Variants in COL4A3 observed in about 807,000 individuals in gnomAD.
COL4A3 encodes the protein collagen alpha-3(IV) chain.
COL4A3 carries 135 observed loss-of-function variants against 217.4 expected under a neutral mutation model. The observed-to-expected ratio is 0.62, with a 90% CI of 0.54 to 0.72. COL4A3 has a LOEUF of 0.72. Ranked by LOEUF, COL4A3 falls within the 30% of genes least tolerant of loss-of-function variation. The pLI, the probability that COL4A3 is intolerant of heterozygous loss-of-function variation, is 0.00. For missense variants in COL4A3, 1,868 were observed against 2,119.9 expected (o/e 0.88, Z 2.33); for synonymous variants, 690 against 736.3 (o/e 0.94, Z 1.02).
rs1559819551 is a variant in COL4A3 at position 227,202,846 on chromosome 2, C to CATATGTGTATATATGTGTAT, written c.88-35108_88-35107insGTGTATATATGTGTATATAT. On this transcript the variant is annotated intron_variant, in intron 1 of 51. Coordinates refer to ENST00000396578, the MANE Select transcript of COL4A3 (RefSeq NM_000091.5). ...ATATGTGTATCTATGTGTATATATA[C>CATATGTGTATATATGTGTAT]ATATGTGTATATATACATATATGTG... Among the ~76,000 whole-genome samples the CATATGTGTATATATGTGTAT allele has an allele frequency of 2.9e-3, 91 of 31,466 alleles. 33 individuals are homozygous for CATATGTGTATATATGTGTAT. Among genetic ancestry groups the CATATGTGTATATATGTGTAT allele is most frequent in the Non-Finnish European group, 3.3e-3 (59 of 17,646 alleles). 20.6% of individuals were successfully genotyped at this position (31,466 alleles called of 152,430 possible).
chr2:227,197,520 A>C (rs191921513), intron 1 of COL4A3, among the ~76,000 whole-genome samples: 45 of 152,316 alleles, frequency 3.0e-4, no homozygotes, highest in African/African-American at 1.1e-3. Context: ...TAAGTAACAC[A>C]TAACTGTATA....
At chr2:227,272,552 A>C (rs186853491) in intron 25 of COL4A3, among the ~76,000 whole-genome samples, 64 of 152,368 alleles carry the variant, frequency 4.2e-4, no homozygotes, top group Non-Finnish European at 8.1e-4. Context: ...TGTCATGAAA[A>C]TACCTGGTGA....
chr2:227,232,161 T>C (rs11884363), intron 1 of COL4A3, among the ~76,000 whole-genome samples: 48,806 of 152,156 alleles, frequency 0.32, 8,274 homozygotes, highest in Non-Finnish European at 0.36. Flanking sequence ...TGTGGCTGCA[T>C]AGTACTCCAT....
chr2:227,238,747 T>C (rs4675154), intron 2 of COL4A3, among the ~76,000 whole-genome samples: 7,055 of 152,266 alleles, frequency 0.046, 325 homozygotes, highest in Admixed American at 0.11. Context: ...ATATAATGTG[T>C]ATGCTAATTA....
chr2:227,295,547 T>C (rs2072993003), intron 41 of COL4A3, among the ~76,000 whole-genome samples: 1 of 152,246 alleles, frequency 6.6e-6, no homozygotes, highest in Admixed American at 6.5e-5. Flanking sequence ...ACTAAGAAAG[T>C]CTTGAAAAGT....
intron 50 of COL4A3, among the ~76,000 whole-genome samples, chr2:227,310,527 G>A (rs2073702241): frequency 1.3e-5 from 2 of 152,188 alleles, no homozygotes; most frequent in Admixed American, 1.3e-4. Context: ...TGTTGGCCAG[G>A]CTGGCCTCAA....
intron 21 of COL4A3, among the ~76,000 whole-genome samples, chr2:227,266,154 A>G (rs918367322): frequency 2.6e-5 from 4 of 151,950 alleles, no homozygotes; most frequent in Non-Finnish European, 4.4e-5. Flanking sequence ...CAACTAAGTA[A>G]GATAAAATAG....
At chr2:227,257,673 C>G (rs764524527) in intron 18 of COL4A3, 29 bp downstream of exon 18, 6 of 1,601,534 alleles carry the variant, frequency 3.7e-6, no homozygotes, top group Non-Finnish European at 5.1e-6. Flanking sequence ...AATATCAATG[C>G]TATGTTTGAT....
intron 1 of COL4A3, among the ~76,000 whole-genome samples, chr2:227,209,143 C>G (rs1366995758): frequency 6.6e-6 from 1 of 152,232 alleles, no homozygotes; most frequent in African/African-American, 2.4e-5. Context: ...GGTCATACAT[C>G]ACCAGCACAA....
intron 29 of COL4A3, 132 bp from the exon 30 acceptor site, chr2:227,280,308 A>G (rs2071872923): frequency 1.2e-6 from 1 of 851,440 alleles, no homozygotes; most frequent in South Asian, 1.5e-5. Context: ...GTCAGCAACT[A>G]GAGCTCAAAA....
chr2:227,307,782 C>G lies in COL4A3; in HGVS notation c.4325C>G (p.Thr1442Arg). ...RGDSGSPATW[T>R]TRGFVFTRHS... ...GACAGTGGATCACCTGCAACCTGGA[C>G]AACGAGAGGCTTTGTCTTCACCCGA... Residue 1442 changes from threonine (T) to arginine (R), a missense_variant, in exon 48 of 52, where the codon ACA (threonine) becomes AGA (arginine). Around this residue, in one of 2 missense-constraint regions of COL4A3, gnomAD observed 1,503 missense variants for 1,786.1 expected, o/e 0.84. Coordinates refer to ENST00000396578, the MANE Select transcript of COL4A3 (RefSeq NM_000091.5). The G allele has an allele frequency of 6.2e-7, 1 of 1,614,154 alleles. No homozygotes were observed. The highest frequency in any genetic ancestry group is 1.3e-5 in the African/African-American group (1 of 75,030).
At position 227,164,948 on chromosome 2, in the gene COL4A3, C is replaced by T; in HGVS notation, c.87+135C>T. The T allele has an allele frequency of 2.7e-6, 3 of 1,114,092 alleles. No homozygotes were observed. The highest frequency in any genetic ancestry group is 3.6e-6 in the Non-Finnish European group (3 of 829,120). 69.0% of individuals were successfully genotyped at this position (1,114,092 alleles called of 1,614,324 possible). On this transcript the variant is annotated intron_variant, in intron 1 of 51. Transcript: ENST00000396578. This position sits in a 1 kb window ranked among gnomAD's most constrained non-coding sequence, Gnocchi z 4.8. ...GCTAGTGGCGAGGCTGAGGGCTTCA[C>T]GCAGGTCCCGGGACAGGCAGCGAGC...
At chr2:227,233,231 T>C (rs2068505914) in intron 1 of COL4A3, among the ~76,000 whole-genome samples, 1 of 152,070 alleles carries the variant, frequency 6.6e-6, no homozygotes. Context: ...CAGGCTGGTC[T>C]CAAACTCCTG....
At chr2:227,294,703 A>C in intron 39 of COL4A3, 133 bp downstream of exon 39, 2 of 748,852 alleles carry the variant, frequency 2.7e-6, no homozygotes, top group Non-Finnish European at 4.6e-6. Context: ...AAAAATGCAA[A>C]AAAAATGGGG....
At chr2:227,245,761 GTCTTCATA>G in intron 5 of COL4A3, 185 bp from the exon 6 acceptor site, 1 of 650,660 alleles carries the variant, frequency 1.5e-6, no homozygotes, top group South Asian at 1.7e-5. Context: ...CATTTGATAA[GTCTTCATA>G]TCAGTCAGCC....
chr2:227,234,156 G>C (rs1359977047), intron 1 of COL4A3, among the ~76,000 whole-genome samples: 3 of 152,058 alleles, frequency 2.0e-5, no homozygotes, highest in Non-Finnish European at 4.4e-5. Flanking sequence ...TGATTTGGGG[G>C]AAAGTGGTGT....
Position 227,250,576 on chromosome 2 carries a change from G to A in COL4A3, c.547-564G>A, listed in dbSNP as rs1035508363. Among the ~76,000 whole-genome samples, 7 of 152,038 alleles carry A rather than the reference G, an allele frequency of 4.6e-5. No homozygotes were observed. Among genetic ancestry groups the A allele is most frequent in the Admixed American group, 2.0e-4 (3 of 15,234 alleles). On this transcript the variant is annotated intron_variant, in intron 9 of 51. Transcript: ENST00000396578. This position sits in a 1 kb window ranked among gnomAD's most constrained non-coding sequence, Gnocchi z 4.1. ...ACATTCTCATGGGGGAAACAAAAGC[G>A]TGTAAATGAGTAACTCTATGGTGTG...
intron 1 of COL4A3, among the ~76,000 whole-genome samples, chr2:227,204,175 T>C (rs962686907): frequency 1.3e-5 from 2 of 152,276 alleles, no homozygotes; most frequent in Non-Finnish European, 2.9e-5. Flanking sequence ...GCCGGGTGAC[T>C]TTAAGAAAAT....
chr2:227,208,171 A>C (rs1456426905), intron 1 of COL4A3, among the ~76,000 whole-genome samples: 1 of 152,222 alleles, frequency 6.6e-6, no homozygotes, highest in African/African-American at 2.4e-5. Context: ...TTTGGGAAGG[A>C]ATTCAGTTCA....
Sources: gnomAD v4.1 joint callset for allele counts (sites outside exome capture counted in the v4.1 genomes callset) on GRCh38, gnomAD v4.1.1 for gene constraint, gnomAD v4.1.1 regional missense constraint, Gnocchi (gnomAD v3.1) non-coding constraint, MANE v1.5 for transcripts, NCBI Gene and HGNC (gene_info 2026-07-23, HGNC 2026-07-21) for gene names.